The following JAG2 variants were observed in gnomAD, a reference collection of about 807,000 sequenced individuals.
JAG2 encodes the protein jagged canonical Notch ligand 2.
In JAG2, 46 loss-of-function variants were observed where a neutral mutation model predicts 141.7. That is an observed-to-expected ratio of 0.32 (90% CI 0.26 to 0.42). The LOEUF (loss-of-function observed/expected upper bound fraction) is 0.42, where lower values mean the gene tolerates loss of function less well. Among genes scored for constraint, JAG2 ranks in the 10% least tolerant of loss-of-function variants. The pLI, the probability that JAG2 is intolerant of heterozygous loss-of-function variation, is 1.00. For synonymous variants in JAG2, 862 were observed against 763.5 expected (o/e 1.13, Z -2.13); for missense variants, 1,500 against 1,817.5 (o/e 0.83, Z 3.18).
Position 105,167,156 on chromosome 14 carries a change from C to A in JAG2, c.417+601G>T, listed in dbSNP as rs1230738041. 6.6e-6 allele frequency among the ~76,000 whole-genome samples: 1 copy of A among 152,234 alleles called. No individual in the cohort carries two copies. Among genetic ancestry groups the A allele is most frequent in the East Asian group, 1.9e-4 (1 of 5,188 alleles). On this transcript the variant is annotated intron_variant, in intron 2 of 25. Coordinates refer to ENST00000331782, the MANE Select transcript of JAG2 (RefSeq NM_002226.5). This position sits in a 1 kb window ranked among gnomAD's most constrained non-coding sequence, Gnocchi z 4.8. ...AGAATAACAAAACCAAAAAAACCCA[C>A]AAACAGGGCAGTGCCACAGAAGGTC...
In JAG2 at chr14:105,145,942, G is replaced by T; in HGVS notation, c.2741C>A (p.Ala914Asp). ...VWCGWKPCLLAGQPEALSAQC... is the reference protein window; with the variant it reads ...VWCGWKPCLLDGQPEALSAQC... ...GGCGCTCAGGGCCTCGGGCTGGCCG[G>T]CCAGCAGACAAGGCTTCCATCCGCA... Residue 914 changes from alanine to aspartate, a missense_variant, in exon 23 of 26, where the codon GCC becomes GAC. Ala to Asp is a moderately radical substitution (Grantham distance 126). Coordinates refer to ENST00000331782, the MANE Select transcript of JAG2 (RefSeq NM_002226.5). 1.3e-6 allele frequency: 2 copies of T among 1,585,776 alleles called. No homozygotes were observed. Among genetic ancestry groups the T allele is most frequent in the Non-Finnish European group, 8.6e-7 (1 of 1,167,800 alleles).
At chr14:105,152,891 C>T (rs992062360) in intron 5 of JAG2, among the ~76,000 whole-genome samples, 3 of 152,144 alleles carry the variant, frequency 2.0e-5, no homozygotes, top group African/African-American at 4.8e-5. Context: ...TCCAGCTGCA[C>T]CCCCAGCTGC....
chr14:105,163,640 C>T (rs984986660), intron 2 of JAG2, among the ~76,000 whole-genome samples: 1 of 150,398 alleles, frequency 6.6e-6, no homozygotes, highest in African/African-American at 2.5e-5. Flanking sequence ...AGGACAGGGA[C>T]TCCGCTCAGG....
At position 105,168,446 on chromosome 14, in the gene JAG2, CCCGCCG is replaced by C. The variant is rs1363998563; in HGVS notation, c.-32_-27del. The C allele has an allele frequency of 1.4e-6, 1 of 706,746 alleles. No homozygotes were observed. The highest frequency in any genetic ancestry group is 1.3e-4 in the East Asian group (1 of 7,470). 43.8% of individuals were successfully genotyped at this position (706,746 alleles called of 1,614,324 possible). ...TGCCCCCGCGACCCGCCCGCCCGGC[CCCGCCG>C]CCGCCGCCCGCGCCCGGCTCCCAGC... On this transcript the variant is annotated 5_prime_UTR_variant, in exon 1 of 26. Coordinates refer to ENST00000331782, the MANE Select transcript of JAG2 (RefSeq NM_002226.5).
intron 1 of JAG2, 73 bp from the exon 2 acceptor site, chr14:105,168,180 G>C (rs587709029): frequency 1.5e-6 from 2 of 1,295,054 alleles, no homozygotes; most frequent in East Asian, 6.6e-5. Context: ...AGGGGTGGGG[G>C]AACAGGCCCC....
rs1455862219 is a variant in JAG2 at position 105,150,637 on chromosome 14, G to C, written c.1569C>G (p.His523Gln). The change falls in exon 12 of 26, where the codon CAC (histidine) becomes CAG (glutamine). Residue 523 changes from histidine (H) to glutamine (Q), a missense_variant. Coordinates refer to ENST00000331782, the MANE Select transcript of JAG2 (RefSeq NM_002226.5). Reference sequence around the variant, plus strand: ...GAGGCCCGGAGAAGCCCTGGGGGCAGTGGCAGTGGAAGCCGTCGGCCAGGT... The same window carrying C: ...GAGGCCCGGAGAAGCCCTGGGGGCACTGGCAGTGGAAGCCGTCGGCCAGGT... Reference protein sequence around the residue: ...CEDLADGFHCHCPQGFSGPLC... With the variant: ...CEDLADGFHCQCPQGFSGPLC... The C allele has an allele frequency of 1.3e-6, 2 of 1,549,538 alleles. No homozygotes were observed. Among genetic ancestry groups the C allele is most frequent in the Admixed American group, 2.0e-5 (1 of 50,956 alleles).
chr14:105,156,318 G>C (rs1168882215), intron 3 of JAG2, among the ~76,000 whole-genome samples: 1 of 152,088 alleles, frequency 6.6e-6, no homozygotes, highest in African/African-American at 2.4e-5. Flanking sequence ...CAGGGCGTGA[G>C]TCTCACGTCC....
chr14:105,164,476 C>T (rs971584518), intron 2 of JAG2, among the ~76,000 whole-genome samples: 1 of 152,186 alleles, frequency 6.6e-6, no homozygotes. Context: ...GGGGGTGGTC[C>T]CCAGTGTGCA....
chr14:105,168,376 CA>C lies in JAG2; in HGVS notation c.44del (p.Leu15ArgfsTer20). ...GRGRLPRRLLLLLALWVQAAR... is the reference protein window; with the variant it reads ...GRGRLPRRLLXLLALWVQAAR... ...TCACCTGCACCCAGAGCGCCAGCAG[CA>C]GCAGCAGCCGCCGGGGAAGGCGCCC... On this transcript the variant is annotated frameshift_variant, in exon 1 of 26. Coordinates refer to ENST00000331782, the MANE Select transcript of JAG2 (RefSeq NM_002226.5). LOFTEE classifies it high-confidence loss of function. The C allele has an allele frequency of 9.7e-7, 1 of 1,031,186 alleles. No homozygotes were observed. Among genetic ancestry groups the C allele is most frequent in the Non-Finnish European group, 1.2e-6 (1 of 837,914 alleles). The allele number at this position is 1,031,186 out of a possible 1,614,324, so 63.9% of individuals were successfully genotyped here. A position where few individuals can be genotyped will look rare whatever the true frequency, so the allele number is the denominator to read the frequency against.
chr14:105,143,740 G>T, intron 24 of JAG2, 102 bp from the exon 25 acceptor site: 1 of 1,427,172 alleles, frequency 7.0e-7, no homozygotes, highest in Non-Finnish European at 9.6e-7. Flanking sequence ...CAAGGTGGGC[G>T]CACGGGAGAC....
rs587752292 is a variant in JAG2, at chr14:105,149,096, C to T, written c.1754-7G>A. 9 of 1,607,002 alleles carry T rather than the reference C, an allele frequency of 5.6e-6. No homozygotes were observed. The African/African-American group carries it at 8.0e-5, about 14-fold the overall frequency. On this transcript the variant is annotated splice_region_variant and splice_polypyrimidine_tract_variant and intron_variant, in intron 13 of 25. Coordinates refer to ENST00000331782, the MANE Select transcript of JAG2 (RefSeq NM_002226.5). ...GACCCGCAGCCATCGATCACTATGG[C>T]AGGCAGTACAGTCAGGAGTCAGGCC...
intron 3 of JAG2, among the ~76,000 whole-genome samples, chr14:105,157,052 C>G (rs1015327760): frequency 1.3e-5 from 2 of 152,172 alleles, no homozygotes; most frequent in African/African-American, 4.8e-5. Flanking sequence ...CCCCAGACTG[C>G]CCCTGGTCCA....
intron 24 of JAG2, among the ~76,000 whole-genome samples, chr14:105,144,024 G>A (rs117059470): frequency 0.018 from 2,608 of 146,894 alleles, 30 homozygotes; most frequent in Non-Finnish European, 0.029. Context: ...AGGGGTGGAG[G>A]GTGTCCCCGT....
Position 105,155,758 on chromosome 14 carries a change from A to G in JAG2, c.707T>C (p.Met236Thr), listed in dbSNP as rs1888562715. Residue 236 changes from methionine (M) to threonine (T), a missense_variant, in exon 4 of 26, where the codon ATG becomes ACG. Met to Thr is a moderately conservative substitution (Grantham distance 81). Transcript: ENST00000331782. ...CTCACCTTCCTTGCACTCCTTGCCC[A>G]TCCAGCCGTCCATGCAGGCCTTGTT... Reference protein sequence around the residue: ...YGNKACMDGWMGKECKEAVCK... With the variant: ...YGNKACMDGWTGKECKEAVCK... 3 of 1,612,786 alleles carry G rather than the reference A, an allele frequency of 1.9e-6. No homozygotes were observed. The highest frequency in any genetic ancestry group is 1.7e-6 in the Non-Finnish European group (2 of 1,179,902).
rs372567398 is a variant in JAG2, at chr14:105,145,920, G to A, written c.2763C>T (p.Ser921=). The change falls in exon 23 of 26, where the codon AGC becomes AGT. Residue 921 remains serine, a synonymous_variant. Coordinates refer to ENST00000331782, the MANE Select transcript of JAG2 (RefSeq NM_002226.5). The part of the protein sequence containing the change: ...CLLAGQPEAL[S]AQCPLGQRCL... The stretch of plus-strand genomic sequence containing the variant: ...ACCTTTGCCCCAGTGGGCACTGGGC[G>A]CTCAGGGCCTCGGGCTGGCCGGCCA... 1,044 of 1,574,536 alleles carry A rather than the reference G, an allele frequency of 6.6e-4. 7 individuals carry two copies. In the African/African-American group the frequency reaches 0.012, roughly 17 times the overall value.
chr14:105,146,588 C>G, intron 21 of JAG2, 23 bp downstream of exon 21: 1 of 1,608,836 alleles, frequency 6.2e-7, no homozygotes, highest in Non-Finnish European at 8.5e-7. Context: ...CGCCCCAACC[C>G]AGGGCAATCA....
intron 9 of JAG2, 52 bp downstream of exon 9, chr14:105,151,231 C>CAGCCCCA (rs1566763809): frequency 1.6e-5 from 11 of 669,422 alleles, no homozygotes; most frequent in South Asian, 5.3e-5. Context: ...CAGCAGCCCC[C>CAGCCCCA]GCAGCCCGCA....
At chr14:105,163,185 TA>T (rs1416618680) in intron 2 of JAG2, among the ~76,000 whole-genome samples, 5 of 152,170 alleles carry the variant, frequency 3.3e-5, no homozygotes, top group Non-Finnish European at 5.9e-5. Flanking sequence ...CAAGCACAGA[TA>T]CATTTCCTGA....
At position 105,147,777 on chromosome 14, in the gene JAG2, G is replaced by C. The variant is rs1393483317; in HGVS notation, c.2360C>G (p.Thr787Ser). ...CRDGWEGRTC[T>S]HNTNDCNPLP... is the part of the protein sequence containing the mutation. ...CACACCCCTCCCACACTCACTGTGA[G>C]TGCAAGTACGACCCTCCCAGCCGTC... Residue 787 changes from threonine to serine, a missense_variant, in exon 18 of 26, where the codon ACT becomes AGT. By Grantham distance (58) the Thr-to-Ser change is moderately conservative. Transcript: ENST00000331782. The C allele has an allele frequency of 3.2e-6, 5 of 1,544,950 alleles. No individual in the cohort carries two copies. The highest frequency in any genetic ancestry group is 4.4e-6 in the Non-Finnish European group (5 of 1,143,346).
Sources: allele counts gnomAD v4.1 joint callset (sites outside exome capture counted in the v4.1 genomes callset), GRCh38; gene constraint gnomAD v4.1.1; non-coding constraint Gnocchi (gnomAD v3.1); transcripts MANE v1.5; gene names NCBI Gene and HGNC (gene_info 2026-07-23, HGNC 2026-07-21).